GRIA4: variants seen among roughly 807,000 people sequenced by gnomAD.
GRIA4 encodes the protein glutamate receptor 4.
Under a neutral mutation model 104.0 loss-of-function variants are expected in GRIA4, and 34 were observed. The ratio of observed to expected loss-of-function variants is 0.33; its 90% CI spans 0.25 to 0.44. GRIA4 has a LOEUF of 0.44. GRIA4 is among the 20% of genes least tolerant of loss of function. GRIA4 has a pLI of 1.00. For synonymous variants in GRIA4, 386 were observed against 381.9 expected, an observed-to-expected ratio of 1.01 and a Z score of -0.13; for missense variants, 750 against 1,096.5, an observed-to-expected ratio of 0.68 and a Z score of 4.46.
At chr11:105,702,694 C>CT (rs1237776884) in intron 3 of GRIA4, among the ~76,000 whole-genome samples, 33 of 88,822 alleles carry the variant, frequency 3.7e-4, no homozygotes, top group African/African-American at 1.2e-3. Context: ...ATTTTCCTTT[C>CT]TTTTTTTTTT....
intron 3 of GRIA4, among the ~76,000 whole-genome samples, chr11:105,718,333 G>A (rs1484681789): frequency 1.3e-5 from 2 of 152,112 alleles, no homozygotes; most frequent in South Asian, 2.1e-4. Flanking sequence ...TAGATCCTTG[G>A]TTTAATTCAC....
At chr11:105,831,490 A>C (rs545774093) in intron 4 of GRIA4, among the ~76,000 whole-genome samples, 1 of 152,030 alleles carries the variant, frequency 6.6e-6, no homozygotes, top group Admixed American at 6.6e-5. Flanking sequence ...GAGATGCCTT[A>C]CTAAATACAC....
At chr11:105,746,592 A>C (rs1212950872) in intron 3 of GRIA4, among the ~76,000 whole-genome samples, 1 of 152,144 alleles carries the variant, frequency 6.6e-6, no homozygotes, top group Admixed American at 6.6e-5. Context: ...AGTTGGATAA[A>C]ATTCTGACCT....
intron 9 of GRIA4, among the ~76,000 whole-genome samples, chr11:105,906,578 G>T (rs562772075): frequency 6.6e-6 from 1 of 152,328 alleles, no homozygotes; most frequent in South Asian, 2.1e-4. Context: ...GTATCTGTGA[G>T]AAGTTTGGAG....
intron 3 of GRIA4, among the ~76,000 whole-genome samples, chr11:105,650,590 C>A (rs1951659391): frequency 6.6e-6 from 1 of 152,120 alleles, no homozygotes; most frequent in African/African-American, 2.4e-5. Context: ...AGATTCTAAT[C>A]AAAGTGTTTC....
At chr11:105,721,322 C>T (rs571972638) in intron 3 of GRIA4, among the ~76,000 whole-genome samples, 1 of 152,156 alleles carries the variant, frequency 6.6e-6, no homozygotes, top group South Asian at 2.1e-4. Flanking sequence ...CCCGAGAATG[C>T]CCCTCCCCTT....
chr11:105,701,993 G>A (rs535693983), intron 3 of GRIA4, among the ~76,000 whole-genome samples: 29 of 152,022 alleles, frequency 1.9e-4, no homozygotes, highest in East Asian at 5.8e-4. Flanking sequence ...GGAGTGCAGC[G>A]TTGCAATCAT....
chr11:105,836,162 T>A (rs1448819586), intron 4 of GRIA4, among the ~76,000 whole-genome samples: 1 of 152,046 alleles, frequency 6.6e-6, no homozygotes, highest in Non-Finnish European at 1.5e-5. Context: ...AGCATGGGGA[T>A]CTTCAATTAT....
At chr11:105,660,706 T>C (rs1035085077) in intron 3 of GRIA4, among the ~76,000 whole-genome samples, 2 of 150,974 alleles carry the variant, frequency 1.3e-5, no homozygotes, top group African/African-American at 4.9e-5. Flanking sequence ...ATTAAACAGA[T>C]AGGGATGGGG....
intron 3 of GRIA4, among the ~76,000 whole-genome samples, chr11:105,698,906 G>T (rs150916796): frequency 6.0e-5 from 1 of 16,684 alleles, no homozygotes; most frequent in African/African-American, 1.1e-4. Flanking sequence ...TGCTATTTAA[G>T]GGGCAGCCAC....
At chr11:105,891,047 T>C (rs529030572) in intron 6 of GRIA4, among the ~76,000 whole-genome samples, 1 of 152,302 alleles carries the variant, frequency 6.6e-6, no homozygotes, top group African/African-American at 2.4e-5. Context: ...TATCTGTCAG[T>C]TGGTTTATCC....
At chr11:105,844,072 T>A (rs1338753601) in intron 4 of GRIA4, among the ~76,000 whole-genome samples, 1 of 152,188 alleles carries the variant, frequency 6.6e-6, no homozygotes, top group Non-Finnish European at 1.5e-5. Flanking sequence ...CCTAGTGTAA[T>A]CTTAACAGTG....
At chr11:105,912,973 G>C (rs73544605) in intron 10 of GRIA4, 77,653 of 964,756 alleles carry the variant, frequency 0.08, 3,229 homozygotes, top group African/African-American at 0.1. Flanking sequence ...GTGAGCACTG[G>C]ATATAATTCA....
chr11:105,710,468 T>C (rs1953871463), intron 3 of GRIA4, among the ~76,000 whole-genome samples: 1 of 152,098 alleles, frequency 6.6e-6, no homozygotes, highest in Admixed American at 6.6e-5. Flanking sequence ...TAGAAAGAAT[T>C]GCCACCAGTT....
At chr11:105,848,536 G>A (rs1043556673) in intron 4 of GRIA4, among the ~76,000 whole-genome samples, 1 of 152,126 alleles carries the variant, frequency 6.6e-6, no homozygotes, top group African/African-American at 2.4e-5. Flanking sequence ...ATTAAAGTGG[G>A]AAAATAACCG....
In GRIA4 at chr11:105,918,728, T is replaced by C. The variant is rs1190969729; in HGVS notation, c.1286T>C (p.Met429Thr). ...VTTIMESPYV[M>T]YKKNHEMFEG... ...TCATTATAGGAATCCCCATATGTTATGTACAAGAAAAATCATGAAATGTTT... is the reference window on the plus strand; with the variant it reads ...TCATTATAGGAATCCCCATATGTTACGTACAAGAAAAATCATGAAATGTTT... The change falls in exon 11 of 17, where the codon ATG (methionine) becomes ACG (threonine). Residue 429 changes from methionine (M) to threonine (T), a missense_variant. Met to Thr is a moderately conservative substitution (Grantham distance 81). Transcript: ENST00000282499. The C allele has an allele frequency of 6.5e-7, 1 of 1,528,018 alleles. No individual in the cohort carries two copies. Among genetic ancestry groups the C allele is most frequent in the Non-Finnish European group, 9.1e-7 (1 of 1,102,246 alleles). The allele number at this position is 1,528,018 out of a possible 1,614,324, so 94.7% of individuals were successfully genotyped here.
At chr11:105,676,277 A>T (rs550133527) in intron 3 of GRIA4, among the ~76,000 whole-genome samples, 1 of 151,872 alleles carries the variant, frequency 6.6e-6, no homozygotes, top group South Asian at 2.1e-4. Context: ...AGGAACCAGC[A>T]GCAGTTGGTA....
At chr11:105,887,376 T>G (rs1039651632) in intron 5 of GRIA4, 143 bp from the exon 6 acceptor site, 5 of 481,732 alleles carry the variant, frequency 1.0e-5, no homozygotes, top group Non-Finnish European at 1.8e-5. Flanking sequence ...CTTCTAACTA[T>G]AGTACGTGAC....
At chr11:105,621,637 A>G (rs1039417739) in intron 3 of GRIA4, among the ~76,000 whole-genome samples, 1 of 151,780 alleles carries the variant, frequency 6.6e-6, no homozygotes, top group African/African-American at 2.4e-5. Flanking sequence ...ATCAATATTT[A>G]GATTATTTCC....
Sources: gnomAD v4.1 joint callset for allele counts (sites outside exome capture counted in the v4.1 genomes callset) on GRCh38, gnomAD v4.1.1 for gene constraint, MANE v1.5 for transcripts, NCBI Gene and HGNC (gene_info 2026-07-23, HGNC 2026-07-21) for gene names.